ZFPM1: variants seen among roughly 807,000 people sequenced by gnomAD.
ZFPM1 encodes the protein zinc finger protein ZFPM1.
ZFPM1 carries 28 observed loss-of-function variants against 46.3 expected under a neutral mutation model. That is an observed-to-expected ratio of 0.60 (90% CI 0.45 to 0.83). ZFPM1 has a LOEUF of 0.83. ZFPM1 is among the 40% of genes least tolerant of loss of function. The probability of loss-of-function intolerance (pLI) is 0.00; values close to 1 mark genes in which losing one functional copy is unlikely to be tolerated. For synonymous variants in ZFPM1, 957 were observed against 675.9 expected (o/e 1.42, Z -6.45); for missense variants, 1,878 against 1,432.4 (o/e 1.31, Z -5.02).
chr16:88,516,158 C>A (rs541327135), intron 4 of ZFPM1: 1 of 398,628 alleles, frequency 2.5e-6, no homozygotes, highest in Admixed American at 4.4e-5. Context: ...TGCCCAAATA[C>A]CCAGGATCAA....
intron 7 of ZFPM1, 70 bp from the exon 8 acceptor site, chr16:88,532,544 G>C: frequency 6.8e-7 from 1 of 1,477,352 alleles, no homozygotes; most frequent in Non-Finnish European, 9.2e-7. Context: ...GGGCCCAGTC[G>C]CCTTCCTCAT....
At chr16:88,489,306 C>T in intron 3 of ZFPM1, 153 bp downstream of exon 3, 3 of 1,232,800 alleles carry the variant, frequency 2.4e-6, no homozygotes, top group Non-Finnish European at 3.3e-6. Context: ...CTCAGCCAAC[C>T]CGTGCAGCTG....
intron 3 of ZFPM1, among the ~76,000 whole-genome samples, chr16:88,501,465 A>G (rs12928021): frequency 0.046 from 1,483 of 31,964 alleles, 139 homozygotes; most frequent in East Asian, 0.13. Context: ...TGGTGATGAT[A>G]GAGATAGCAG....
chr16:88,503,120 TG>T (rs918360338), intron 3 of ZFPM1, among the ~76,000 whole-genome samples: 2 of 152,182 alleles, frequency 1.3e-5, no homozygotes, highest in African/African-American at 4.8e-5. Context: ...GCACAGTGCT[TG>T]ATTCAGGGGC....
At chr16:88,463,664 G>A (rs1463109499) in intron 1 of ZFPM1, among the ~76,000 whole-genome samples, 1 of 152,276 alleles carries the variant, frequency 6.6e-6, no homozygotes, top group Non-Finnish European at 1.5e-5. Flanking sequence ...CTAGATCTGG[G>A]CGGGGAAACC....
intron 6 of ZFPM1, among the ~76,000 whole-genome samples, chr16:88,529,735 T>C (rs1912633885): frequency 6.6e-6 from 1 of 152,060 alleles, no homozygotes; most frequent in South Asian, 2.1e-4. Flanking sequence ...AGCAGAGAAA[T>C]GACTACTGGT....
rs1908330256 is a variant in ZFPM1, at chr16:88,469,807, G to A, written c.40+16129G>A. 6.6e-6 allele frequency among the ~76,000 whole-genome samples: 1 copy of A among 152,096 alleles called. No individual in the cohort carries two copies. Among genetic ancestry groups the A allele is most frequent in the Non-Finnish European group, 1.5e-5 (1 of 68,020 alleles). On this transcript the variant is annotated intron_variant, in intron 1 of 9. Transcript: ENST00000319555. This position sits in a 1 kb window ranked among gnomAD's most constrained non-coding sequence, Gnocchi z 4.3. ...ATCTAAGGAGAGGAAGTAGGGAGGG[G>A]CCGTCCGACCAGAACCAGACATCAC...
intron 6 of ZFPM1, among the ~76,000 whole-genome samples, chr16:88,529,220 A>G (rs1912587792): frequency 6.6e-6 from 1 of 152,278 alleles, no homozygotes; most frequent in African/African-American, 2.4e-5. Context: ...CGCAGGGAAC[A>G]CGCAGCAAGT....
In ZFPM1 at chr16:88,502,369, G is replaced by A. The variant is rs186261994; in HGVS notation, c.269-12018G>A. ...CCTCTCCCGCCCTGCCCAGGGGCCC[G>A]GGCGCCGGGCACTCAGGACCCACCT... On this transcript the variant is annotated intron_variant, in intron 3 of 9. Transcript: ENST00000319555. 1.7e-3 allele frequency among the ~76,000 whole-genome samples: 254 copies of A among 151,804 alleles called. 1 individual carries two copies. The highest frequency in any genetic ancestry group is 5.9e-3 in the African/African-American group (244 of 41,428).
chr16:88,478,686 C>T (rs146659563), intron 1 of ZFPM1, among the ~76,000 whole-genome samples: 173 of 152,254 alleles, frequency 1.1e-3, no homozygotes, highest in African/African-American at 3.9e-3. Context: ...CCATGGGGGA[C>T]GGACCTAGGC....
At chr16:88,501,130 C>T (rs1910247101) in intron 3 of ZFPM1, among the ~76,000 whole-genome samples, 2 of 124,108 alleles carry the variant, frequency 1.6e-5, no homozygotes, top group African/African-American at 3.9e-5. Context: ...GACATGGATG[C>T]GGGGGCCATC....
In ZFPM1 at chr16:88,501,373, A is replaced by C. The variant is rs368608348; in HGVS notation, c.268+12220A>C. 1.1e-3 allele frequency among the ~76,000 whole-genome samples: 76 copies of C among 70,986 alleles called. 4 individuals carry two copies. In the Admixed American group the frequency reaches 0.011, roughly 10 times the overall value. 46.6% of individuals were successfully genotyped at this position (70,986 alleles called of 152,430 possible). On this transcript the variant is annotated intron_variant, in intron 3 of 9. Coordinates refer to ENST00000319555, the MANE Select transcript of ZFPM1 (RefSeq NM_153813.3). ...AGGTGCTGGTGATGATGGAGATAGC[A>C]GACATGGGTGCGGGGCCCTCCCGCA... is the stretch of plus-strand genomic sequence containing the variant.
intron 3 of ZFPM1, among the ~76,000 whole-genome samples, chr16:88,513,703 G>T (rs1911107766): frequency 6.6e-6 from 1 of 152,216 alleles, no homozygotes; most frequent in South Asian, 2.1e-4. Context: ...GCTTCAGGCA[G>T]CAGAGTGTGT....
At chr16:88,490,865 G>T (rs144553658) in intron 3 of ZFPM1, among the ~76,000 whole-genome samples, 2,805 of 152,318 alleles carry the variant, frequency 0.018, 36 homozygotes, top group Non-Finnish European at 0.028. Flanking sequence ...CACAGCAGAT[G>T]ATGTGACTTG....
At chr16:88,519,648 T>G (rs1248808234) in intron 4 of ZFPM1, among the ~76,000 whole-genome samples, 2 of 110,272 alleles carry the variant, frequency 1.8e-5, no homozygotes, top group African/African-American at 7.3e-5. Context: ...GAGTGGATGA[T>G]GGATAGGTGG....
chr16:88,501,446 C>T (rs1286459053), intron 3 of ZFPM1, among the ~76,000 whole-genome samples: 2 of 137,034 alleles, frequency 1.5e-5, no homozygotes, highest in African/African-American at 2.9e-5. Context: ...GGGGCCATCC[C>T]GCAGGTGCTG....
intron 1 of ZFPM1, among the ~76,000 whole-genome samples, chr16:88,456,058 G>A (rs948918467): frequency 6.6e-6 from 1 of 152,262 alleles, no homozygotes; most frequent in Non-Finnish European, 1.5e-5. Context: ...TGGGGCGAGT[G>A]GGGGCTTGGA....
intron 1 of ZFPM1, among the ~76,000 whole-genome samples, chr16:88,467,825 G>GA (rs1908207770): frequency 6.6e-6 from 1 of 152,082 alleles, no homozygotes; most frequent in Admixed American, 6.5e-5. Flanking sequence ...ACCCTACAAC[G>GA]AAAAAGAAGA....
rs1252076633 is a variant in ZFPM1, at chr16:88,534,344, G to C, written c.2386G>C (p.Asp796His). The C allele has an allele frequency of 2.1e-6, 3 of 1,396,668 alleles. No homozygotes were observed. The highest frequency in any genetic ancestry group is 2.8e-6 in the Non-Finnish European group (3 of 1,076,872). 86.5% of individuals were successfully genotyped at this position (1,396,668 alleles called of 1,614,324 possible). A position where few individuals can be genotyped will look rare whatever the true frequency, so the allele number is the denominator to read the frequency against. ...SPGPAADGPI[D>H]LSKKPRRPLP... ...CGGCCCCGCGGCCGACGGCCCCATC[G>C]ACCTGAGCAAGAAGCCGCGGCGCCC... Residue 796 changes from aspartate to histidine, a missense_variant, in exon 10 of 10, where the codon GAC becomes CAC. Physicochemically the swap from Asp to His is moderately conservative, Grantham distance 81. Coordinates refer to ENST00000319555, the MANE Select transcript of ZFPM1 (RefSeq NM_153813.3).
Sources: gnomAD v4.1 joint callset for allele counts (sites outside exome capture counted in the v4.1 genomes callset) on GRCh38, gnomAD v4.1.1 for gene constraint, Gnocchi (gnomAD v3.1) non-coding constraint, MANE v1.5 for transcripts, NCBI Gene and HGNC (gene_info 2026-07-23, HGNC 2026-07-21) for gene names.